Variants in ANGPT4 observed in about 807,000 individuals in gnomAD.
ANGPT4 encodes angiopoietin-4.
Under a neutral mutation model 53.0 loss-of-function variants are expected in ANGPT4, and 50 were observed. The observed-to-expected ratio is 0.94, with a 90% CI of 0.75 to 1.20. ANGPT4 has a LOEUF of 1.20. ANGPT4 is among the 50% of genes most tolerant of loss of function. ANGPT4 has a pLI of 0.00. For missense variants in ANGPT4, 648 were observed against 637.1 expected, an observed-to-expected ratio of 1.02 and a Z score of -0.18; for synonymous variants, 251 against 259.7, an observed-to-expected ratio of 0.97 and a Z score of 0.32.
At position 870,045 on chromosome 20, in the gene ANGPT4, G is replaced by A. The variant is rs1410062055; in HGVS notation, c.*2915C>T. The A allele has an allele frequency of 1.3e-5, 2 of 152,346 alleles. No individual in the cohort carries two copies. The highest frequency in any genetic ancestry group is 4.8e-5 in the African/African-American group (2 of 41,454). 9.4% of individuals were successfully genotyped at this position (152,346 alleles called of 1,614,324 possible). On this transcript the variant is annotated 3_prime_UTR_variant, in exon 9 of 9. Coordinates refer to ENST00000381922, the MANE Select transcript of ANGPT4 (RefSeq NM_015985.4). Reference sequence around the variant, plus strand: ...CCTGGCTGAGAATGAAGTCAACGGGGCAGATGGAGGGGCTGAGAGGTGGAG... The same window carrying A: ...CCTGGCTGAGAATGAAGTCAACGGGACAGATGGAGGGGCTGAGAGGTGGAG...
At chr20:883,233 T>A (rs1981480679) in intron 4 of ANGPT4, among the ~76,000 whole-genome samples, 1 of 152,228 alleles carries the variant, frequency 6.6e-6, no homozygotes, top group African/African-American at 2.4e-5. Flanking sequence ...CCAGTGCCCT[T>A]CCTCCTACAC....
At chr20:898,776 A>C (rs1335947944) in intron 1 of ANGPT4, among the ~76,000 whole-genome samples, 1 of 152,230 alleles carries the variant, frequency 6.6e-6, no homozygotes, top group East Asian at 1.9e-4. Context: ...AAGCCGCAGC[A>C]GACAGTTGTT....
rs527965472 is a variant in ANGPT4, at chr20:873,470, G to A, written c.1352-350C>T. On this transcript the variant is annotated intron_variant, in intron 8 of 8. Transcript: ENST00000381922. The stretch of plus-strand genomic sequence containing the variant: ...ATCGCTCTGCTCACTGCTTTCTAGT[G>A]GTCTCTGTCACTCTCTCTGAGTCTC... 1.4e-3 allele frequency among the ~76,000 whole-genome samples: 203 copies of A among 148,882 alleles called. 1 individual carries two copies. Among genetic ancestry groups the A allele is most frequent in the Middle Eastern group, 3.4e-3 (1 of 294 alleles).
At position 888,823 on chromosome 20, in the gene ANGPT4, C is replaced by T. The variant is rs527581827; in HGVS notation, c.466-384G>A. ...TCCCTCATTGCTTGCAATCTATTCTCTACTCAGTAGCCTGGGGCTGCCTCT... is the reference window on the plus strand; with the variant it reads ...TCCCTCATTGCTTGCAATCTATTCTTTACTCAGTAGCCTGGGGCTGCCTCT... On this transcript the variant is annotated intron_variant, in intron 2 of 8. Transcript: ENST00000381922. Among the ~76,000 whole-genome samples the T allele has an allele frequency of 9.6e-4, 146 of 152,310 alleles. 1 individual carries two copies. Among genetic ancestry groups the T allele is most frequent in the African/African-American group, 3.4e-3 (142 of 41,558 alleles).
rs972351182 is a variant in ANGPT4 at position 911,520 on chromosome 20, G to A, written c.309+4386C>T. 1.3e-5 allele frequency among the ~76,000 whole-genome samples: 2 copies of A among 152,166 alleles called. No individual in the cohort carries two copies. Among genetic ancestry groups the A allele is most frequent in the Non-Finnish European group, 2.9e-5 (2 of 68,032 alleles). ...AAAAGGAGGAGCTGAGAAAGAGACA[G>A]GAAAAGATGCAGGGAGTCACTTTGA... On this transcript the variant is annotated intron_variant, in intron 1 of 8. Transcript: ENST00000381922. This position sits in a 1 kb window ranked among gnomAD's most constrained non-coding sequence, Gnocchi z 4.9.
chr20:892,588 G>A (rs144172674), intron 1 of ANGPT4, among the ~76,000 whole-genome samples: 4,779 of 123,842 alleles, frequency 0.039, 100 homozygotes, highest in Middle Eastern at 0.09. Context: ...GAGTGAGACC[G>A]TGTCTCAAAA....
intron 1 of ANGPT4, among the ~76,000 whole-genome samples, chr20:899,139 T>G (rs1484775908): frequency 1.3e-5 from 2 of 152,162 alleles, no homozygotes; most frequent in Non-Finnish European, 2.9e-5. Context: ...CCACTCCACA[T>G]TACCTACTTT....
chr20:891,251 GTT>G (rs960300916), intron 1 of ANGPT4, among the ~76,000 whole-genome samples: 12 of 152,204 alleles, frequency 7.9e-5, no homozygotes, highest in African/African-American at 2.7e-4. Context: ...TGTACAAAGA[GTT>G]TGCAGGTCCA....
intron 7 of ANGPT4, among the ~76,000 whole-genome samples, chr20:875,063 A>G (rs1401879743): frequency 1.3e-5 from 2 of 151,366 alleles, no homozygotes; most frequent in Non-Finnish European, 2.9e-5. Context: ...TGCATCTACT[A>G]TGTGTTCAAA....
At chr20:879,904 G>T in intron 5 of ANGPT4, 56 bp from the exon 6 acceptor site, 1 of 1,327,514 alleles carries the variant, frequency 7.5e-7, no homozygotes, top group Non-Finnish European at 1.0e-6. Flanking sequence ...CAGAGGCCAG[G>T]CCTGTGCTAG....
At chr20:912,459 G>A (rs1052781086) in intron 1 of ANGPT4, among the ~76,000 whole-genome samples, 7 of 152,286 alleles carry the variant, frequency 4.6e-5, no homozygotes, top group Non-Finnish European at 8.8e-5. Context: ...CACTGCAGCC[G>A]GCTCTGTCCC....
intron 1 of ANGPT4, among the ~76,000 whole-genome samples, chr20:901,727 A>G (rs898093172): frequency 5.3e-5 from 8 of 152,196 alleles, no homozygotes; most frequent in African/African-American, 1.7e-4. Flanking sequence ...AGCCTGGGTA[A>G]CATGGTGAAA....
At position 872,792 on chromosome 20, in the gene ANGPT4, T is replaced by A. The variant is rs1888087; in HGVS notation, c.*168A>T. 28 of 747,118 alleles carry A rather than the reference T, an allele frequency of 3.7e-5. No homozygotes were observed. Among genetic ancestry groups the A allele is most frequent in the East Asian group, 2.1e-4 (8 of 38,130 alleles). 46.3% of individuals were successfully genotyped at this position (747,118 alleles called of 1,614,324 possible). A position where few individuals can be genotyped will look rare whatever the true frequency, so the allele number is the denominator to read the frequency against. On this transcript the variant is annotated 3_prime_UTR_variant, in exon 9 of 9. Transcript: ENST00000381922. ...CTCCATGTCACAGACGGAGGGGAGT[T>A]GGGGGGCAGATGACCCTTCTGGACT...
intron 3 of ANGPT4, 61 bp from the exon 4 acceptor site, chr20:885,386 G>C: frequency 6.9e-7 from 1 of 1,454,328 alleles, no homozygotes; most frequent in Non-Finnish European, 9.0e-7. Flanking sequence ...GCACCCCCGC[G>C]CGCCTCCCCG....
intron 1 of ANGPT4, among the ~76,000 whole-genome samples, chr20:892,532 G>A (rs1391013333): frequency 1.3e-5 from 2 of 151,304 alleles, no homozygotes; most frequent in African/African-American, 4.9e-5. Context: ...GGAGGTGGAG[G>A]TTGCGGTGAG....
intron 1 of ANGPT4, among the ~76,000 whole-genome samples, chr20:897,134 A>T (rs554265497): frequency 1.3e-5 from 2 of 152,074 alleles, no homozygotes; most frequent in South Asian, 2.1e-4. Context: ...TGCCCACCCC[A>T]TCTCCTTTTT....
At chr20:876,209 A>C (rs1451526717) in intron 7 of ANGPT4, among the ~76,000 whole-genome samples, 1 of 150,728 alleles carries the variant, frequency 6.6e-6, no homozygotes, top group Non-Finnish European at 1.5e-5. Context: ...AGATGTGGCC[A>C]GGGCAGCTCA....
At chr20:873,760 G>A (rs1981045774) in intron 8 of ANGPT4, among the ~76,000 whole-genome samples, 1 of 152,058 alleles carries the variant, frequency 6.6e-6, no homozygotes, top group African/African-American at 2.4e-5. Context: ...GACTCTGACA[G>A]CCTTGGTGTC....
intron 7 of ANGPT4, among the ~76,000 whole-genome samples, chr20:876,102 T>C (rs979998994): frequency 6.9e-6 from 1 of 144,082 alleles, no homozygotes; most frequent in African/African-American, 2.6e-5. Flanking sequence ...GCTGTGATCA[T>C]GCCACTGCAC....
Sources: gnomAD v4.1 joint callset for allele counts (sites outside exome capture counted in the v4.1 genomes callset) on GRCh38, gnomAD v4.1.1 for gene constraint, Gnocchi (gnomAD v3.1) non-coding constraint, MANE v1.5 for transcripts, NCBI Gene and HGNC (gene_info 2026-07-23, HGNC 2026-07-21) for gene names.